The following GTF2A1L variants were observed in gnomAD, a reference collection of about 807,000 sequenced individuals.
GTF2A1L encodes TFIIA-alpha and beta-like factor.
A neutral mutation model predicts 49.7 loss-of-function variants in GTF2A1L; 48 were observed. The observed-to-expected ratio is 0.97, with a 90% CI of 0.77 to 1.23. GTF2A1L has a LOEUF of 1.23. Among genes scored for constraint, GTF2A1L ranks in the 50% most tolerant of loss-of-function variants. The probability of loss-of-function intolerance (pLI) is 0.00; values close to 1 mark genes in which losing one functional copy is unlikely to be tolerated. For missense variants in GTF2A1L, 736 were observed against 564.8 expected (o/e 1.30, Z -3.07); for synonymous variants, 246 against 193.5 (o/e 1.27, Z -2.25).
intron 6 of GTF2A1L, among the ~76,000 whole-genome samples, chr2:48,648,160 A>G (rs1677641641): frequency 6.6e-6 from 1 of 152,174 alleles, no homozygotes; most frequent in Non-Finnish European, 1.5e-5. Flanking sequence ...CCTGTTCAAG[A>G]TCTCTGAGCA....
intron 6 of GTF2A1L, among the ~76,000 whole-genome samples, chr2:48,648,827 G>A (rs931828364): frequency 1.3e-5 from 2 of 152,068 alleles, no homozygotes; most frequent in African/African-American, 2.4e-5. Context: ...AAATCCAAAC[G>A]TACAAGAGTA....
At chr2:48,621,612 G>T (rs1676003300) in intron 3 of GTF2A1L, among the ~76,000 whole-genome samples, 1 of 152,208 alleles carries the variant, frequency 6.6e-6, no homozygotes. Context: ...TCTAGTCAAG[G>T]ATTAGAAGTG....
intron 8 of GTF2A1L, among the ~76,000 whole-genome samples, chr2:48,678,140 A>G (rs1375384738): frequency 6.6e-6 from 1 of 151,978 alleles, no homozygotes; most frequent in Non-Finnish European, 1.5e-5. Flanking sequence ...TATGATTTTT[A>G]TATTAATAAG....
At chr2:48,648,564 T>C (rs931591379) in intron 6 of GTF2A1L, among the ~76,000 whole-genome samples, 2 of 152,148 alleles carry the variant, frequency 1.3e-5, no homozygotes, top group Admixed American at 1.3e-4. Context: ...GTTCAAATTC[T>C]AGGTTCACTA....
intron 7 of GTF2A1L, among the ~76,000 whole-genome samples, chr2:48,671,092 G>A (rs1011220568): frequency 6.6e-6 from 1 of 152,084 alleles, no homozygotes; most frequent in African/African-American, 2.4e-5. Flanking sequence ...AAAGTGCTGG[G>A]ATTACAAGCA....
chr2:48,673,433 G>A (rs1679282789), intron 8 of GTF2A1L, among the ~76,000 whole-genome samples: 1 of 145,758 alleles, frequency 6.9e-6, no homozygotes, highest in South Asian at 2.1e-4. Flanking sequence ...CGTGATCTTG[G>A]CTCACTGCAA....
At chr2:48,621,466 A>G (rs1462066616) in intron 3 of GTF2A1L, 176 bp downstream of exon 3, 12 of 875,088 alleles carry the variant, frequency 1.4e-5, no homozygotes, top group Non-Finnish European at 1.9e-5. Context: ...TTGATTAAAA[A>G]CTCAGGTTAT....
chr2:48,655,256 A>G (rs144562931), intron 6 of GTF2A1L, among the ~76,000 whole-genome samples: 2 of 152,240 alleles, frequency 1.3e-5, no homozygotes, highest in East Asian at 3.9e-4. Flanking sequence ...GTGCTATTAT[A>G]AATGGTACCT....
In GTF2A1L at chr2:48,671,650, G is replaced by A. The variant is rs1362622778; in HGVS notation, c.1299G>A (p.Thr433=). 1.9e-6 allele frequency: 3 copies of A among 1,613,428 alleles called. No individual in the cohort carries two copies. Among genetic ancestry groups the A allele is most frequent in the Non-Finnish European group, 2.5e-6 (3 of 1,179,612 alleles). The change falls in exon 8 of 9, where the codon ACG becomes ACA. Residue 433 remains threonine (T), a synonymous_variant. Transcript: ENST00000403751. ...AGGATGTGCCAGACCTGTTTGACAC[G>A]GATAATGTTATTGTCTGTCAGTATG... The part of the protein sequence containing the change: ...SEQDVPDLFD[T]DNVIVCQYDK...
chr2:48,644,690 A>C (rs1432242853), intron 4 of GTF2A1L, among the ~76,000 whole-genome samples: 1 of 152,214 alleles, frequency 6.6e-6, no homozygotes, highest in Non-Finnish European at 1.5e-5. Context: ...CACATTCTCA[A>C]CAACACTGGA....
intron 3 of GTF2A1L, among the ~76,000 whole-genome samples, chr2:48,625,716 G>T (rs886739720): frequency 7.0e-6 from 1 of 142,614 alleles, no homozygotes; most frequent in African/African-American, 2.5e-5. Flanking sequence ...ATGAGTAACT[G>T]GGACTACAGG....
At chr2:48,650,589 G>A (rs1189475190) in intron 6 of GTF2A1L, among the ~76,000 whole-genome samples, 1 of 152,046 alleles carries the variant, frequency 6.6e-6, no homozygotes, top group Non-Finnish European at 1.5e-5. Context: ...CATTTAAATT[G>A]AGTAAATACT....
intron 6 of GTF2A1L, among the ~76,000 whole-genome samples, chr2:48,665,974 ATGTT>A (rs1450920871): frequency 6.6e-6 from 1 of 151,986 alleles, no homozygotes; most frequent in African/African-American, 2.4e-5. Flanking sequence ...TTTTGAAGCT[ATGTT>A]TGTAGGTATA....
chr2:48,647,127 G>A (rs1677564786), intron 6 of GTF2A1L, 85 bp downstream of exon 6: 1 of 1,195,828 alleles, frequency 8.4e-7, no homozygotes, highest in Non-Finnish European at 1.1e-6. Flanking sequence ...AAGCTGTAAT[G>A]TTAATCAGAA....
At chr2:48,620,400 G>T (rs1009262807) in intron 1 of GTF2A1L, among the ~76,000 whole-genome samples, 5 of 152,220 alleles carry the variant, frequency 3.3e-5, no homozygotes, top group African/African-American at 9.7e-5. Flanking sequence ...AATGTACATA[G>T]TAAAAGTTTT....
intron 3 of GTF2A1L, 167 bp downstream of exon 3, chr2:48,621,457 T>G: frequency 1.1e-6 from 1 of 913,436 alleles, no homozygotes; most frequent in Non-Finnish European, 1.5e-6. Context: ...ATGTAATTAT[T>G]GATTAAAAAC....
At position 48,629,045 on chromosome 2, in the gene GTF2A1L, C is replaced by G. The variant is rs141459360; in HGVS notation, c.247+7755C>G. 8.3e-3 allele frequency among the ~76,000 whole-genome samples: 1,188 copies of G among 142,896 alleles called. 83 individuals are homozygous for G. Among genetic ancestry groups the G allele is most frequent in the African/African-American group, 0.028 (1,131 of 40,300 alleles). The allele number at this position is 142,896 out of a possible 152,430, so 93.7% of individuals were successfully genotyped here. A position where few individuals can be genotyped will look rare whatever the true frequency, so the allele number is the denominator to read the frequency against. On this transcript the variant is annotated intron_variant, in intron 3 of 8. Coordinates refer to ENST00000403751, the MANE Select transcript of GTF2A1L (RefSeq NM_006872.5). The stretch of plus-strand genomic sequence containing the variant: ...GATCATGAGGACAGGAGTTTGAGAC[C>G]AGCCTGACCAACATGGTGAAACCTG...
chr2:48,618,627 A>AT (rs1053516047), intron 1 of GTF2A1L, among the ~76,000 whole-genome samples: 3 of 152,200 alleles, frequency 2.0e-5, no homozygotes, highest in African/African-American at 4.8e-5. Context: ...TAACAGCTCC[A>AT]TTTTTAGAGA....
chr2:48,655,106 A>C (rs894824384), intron 6 of GTF2A1L, among the ~76,000 whole-genome samples: 3 of 151,924 alleles, frequency 2.0e-5, no homozygotes, highest in Admixed American at 1.3e-4. Flanking sequence ...TCTTCACAAT[A>C]TTGAGTCTTC....
Sources: allele counts gnomAD v4.1 joint callset (sites outside exome capture counted in the v4.1 genomes callset), GRCh38; gene constraint gnomAD v4.1.1; transcripts MANE v1.5; gene names NCBI Gene and HGNC (gene_info 2026-07-23, HGNC 2026-07-21).